Variants in LNPEP observed in about 807,000 individuals in gnomAD.
LNPEP encodes leucyl and cystinyl aminopeptidase.
Under a neutral mutation model 120.6 loss-of-function variants are expected in LNPEP, and 64 were observed. The ratio of observed to expected loss-of-function variants is 0.53; its 90% CI spans 0.43 to 0.65. LNPEP has a LOEUF of 0.65. Among genes scored for constraint, LNPEP ranks in the 30% least tolerant of loss-of-function variants. The pLI is 0.00. For missense variants in LNPEP, 1,057 were observed against 1,200.0 expected, an observed-to-expected ratio of 0.88 and a Z score of 1.76; for synonymous variants, 435 against 425.4, an observed-to-expected ratio of 1.02 and a Z score of -0.28.
chr5:96,998,090 C>G lies in LNPEP; in HGVS notation c.1598C>G (p.Ser533Cys). The change falls in exon 8 of 18, where the codon TCT becomes TGT. Residue 533 changes from serine to cysteine, a missense_variant. Transcript: ENST00000231368. The part of the protein sequence containing the change: ...SLNSSHPISS[S>C]VQSSEQIEEM... ...AATTCATCTCATCCAATATCATCAT[C>G]TGTTCAGTCTTCAGAACAAATTGAA... The G allele has an allele frequency of 6.3e-7, 1 of 1,586,374 alleles. No individual in the cohort carries two copies.
chr5:96,977,878 G>A (rs1453912954), intron 1 of LNPEP, among the ~76,000 whole-genome samples: 2 of 152,168 alleles, frequency 1.3e-5, no homozygotes, highest in African/African-American at 4.8e-5. Context: ...AGTTTGAGTA[G>A]AGGGATGCAA....
chr5:97,036,790 T>C lies in LNPEP; in HGVS notation c.*8257T>C, dbSNP rs1449098814. 3 of 152,194 alleles carry C rather than the reference T, an allele frequency of 2.0e-5. No homozygotes were observed. Among genetic ancestry groups the C allele is most frequent in the Non-Finnish European group, 4.4e-5 (3 of 68,012 alleles). 9.4% of individuals were successfully genotyped at this position (152,194 alleles called of 1,614,324 possible). ...ATTCTAGTGTTGAAAAAGTAGCCTA[T>C]ACTTTGCTATTACTTATACCTGCTG... On this transcript the variant is annotated 3_prime_UTR_variant, in exon 18 of 18. Transcript: ENST00000231368.
At chr5:97,016,647 G>A (rs188860382) in intron 13 of LNPEP, among the ~76,000 whole-genome samples, 15 of 152,156 alleles carry the variant, frequency 9.9e-5, no homozygotes, top group Admixed American at 9.8e-4. Context: ...CTTTTGAAAA[G>A]CTTGCAGACC....
intron 1 of LNPEP, 149 bp from the exon 2 acceptor site, chr5:96,978,989 T>C (rs1362327091): frequency 3.8e-6 from 3 of 790,114 alleles, no homozygotes; most frequent in Non-Finnish European, 3.8e-6. Flanking sequence ...AACATCTTAT[T>C]TAATTCAGTA....
At chr5:96,939,323 C>T (rs1226335967) in intron 1 of LNPEP, among the ~76,000 whole-genome samples, 1 of 151,566 alleles carries the variant, frequency 6.6e-6, no homozygotes, top group South Asian at 2.1e-4. Context: ...AAGTGATCCT[C>T]CTGCCTCAGC....
intron 4 of LNPEP, among the ~76,000 whole-genome samples, chr5:96,992,631 A>G (rs1451698753): frequency 3.3e-5 from 5 of 152,174 alleles, no homozygotes; most frequent in African/African-American, 9.7e-5. Flanking sequence ...ATAACTCTCA[A>G]TCTTTTTACC....
chr5:96,959,508 G>A (rs1789548244), intron 1 of LNPEP, among the ~76,000 whole-genome samples: 1 of 152,158 alleles, frequency 6.6e-6, no homozygotes. Flanking sequence ...TCCTTGGTCA[G>A]TTTACCTAAA....
chr5:96,990,768 A>G (rs1790370747), intron 4 of LNPEP, among the ~76,000 whole-genome samples: 1 of 152,112 alleles, frequency 6.6e-6, no homozygotes, highest in African/African-American at 2.4e-5. Flanking sequence ...TTTTTTGTTC[A>G]TTTACTTAAA....
At chr5:97,011,103 A>T in intron 11 of LNPEP, 3 of 985,374 alleles carry the variant, frequency 3.0e-6, no homozygotes, top group Non-Finnish European at 3.6e-6. Context: ...TTCCGTATGT[A>T]TTTCAATGTT....
At chr5:96,960,581 G>A (rs1396788187) in intron 1 of LNPEP, among the ~76,000 whole-genome samples, 2 of 152,174 alleles carry the variant, frequency 1.3e-5, no homozygotes, top group South Asian at 2.1e-4. Flanking sequence ...CAAGTATAGT[G>A]TAGTCAGTGA....
chr5:97,023,051 A>G (rs1791250910), intron 14 of LNPEP, among the ~76,000 whole-genome samples: 1 of 151,972 alleles, frequency 6.6e-6, no homozygotes, highest in African/African-American at 2.4e-5. Context: ...CTCTGTACCC[A>G]TTGAATAATT....
At chr5:97,024,914 CCTA>C (rs1411695602) in intron 15 of LNPEP, among the ~76,000 whole-genome samples, 1 of 152,168 alleles carries the variant, frequency 6.6e-6, no homozygotes, top group Non-Finnish European at 1.5e-5. Context: ...ACAGCCCCCT[CCTA>C]CTCCTTGCTC....
chr5:96,949,393 G>T (rs1214610372), intron 1 of LNPEP, among the ~76,000 whole-genome samples: 1 of 152,208 alleles, frequency 6.6e-6, no homozygotes, highest in Non-Finnish European at 1.5e-5. Flanking sequence ...AGGGATCTAG[G>T]TTGCATGCTT....
At position 97,033,650 on chromosome 5, in the gene LNPEP, G is replaced by C. The variant is rs1271922208; in HGVS notation, c.*5117G>C. The C allele has an allele frequency of 6.6e-6, 1 of 152,212 alleles. No individual in the cohort carries two copies. Among genetic ancestry groups the C allele is most frequent in the African/African-American group, 2.4e-5 (1 of 41,458 alleles). The allele number at this position is 152,212 out of a possible 1,614,324, so 9.4% of individuals were successfully genotyped here. A position where few individuals can be genotyped will look rare whatever the true frequency, so the allele number is the denominator to read the frequency against. The stretch of plus-strand genomic sequence containing the variant: ...TATGAAGAAAATTGAGGTTCAGCCT[G>C]TAGCAGCTCTCCTCTTCTGCCCTTC... On this transcript the variant is annotated 3_prime_UTR_variant, in exon 18 of 18. Transcript: ENST00000231368.
intron 1 of LNPEP, chr5:96,942,842 G>A (rs1262253697): frequency 6.6e-6 from 1 of 152,632 alleles, no homozygotes; most frequent in Non-Finnish European, 1.5e-5. Context: ...CCTGCACGTT[G>A]TGCACATGTA....
chr5:96,954,614 CTCTCTA>C lies in LNPEP; in HGVS notation c.19+18442_19+18447del, dbSNP rs1297726870. Among the ~76,000 whole-genome samples the C allele has an allele frequency of 7.6e-4, 77 of 100,864 alleles. 16 individuals are homozygous for C. Among genetic ancestry groups the C allele is most frequent in the Non-Finnish European group, 1.3e-3 (57 of 44,332 alleles). The allele number at this position is 100,864 out of a possible 152,430, so 66.2% of individuals were successfully genotyped here. ...TTCTTGCAAGTCTCTCTCTCTCTCT[CTCTCTA>C]TATATATATATACATATATACATAT... On this transcript the variant is annotated intron_variant, in intron 1 of 17. Coordinates refer to ENST00000231368, the MANE Select transcript of LNPEP (RefSeq NM_005575.3).
chr5:96,989,359 T>A (rs11953713), intron 4 of LNPEP, among the ~76,000 whole-genome samples: 7 of 21,756 alleles, frequency 3.2e-4, no homozygotes, highest in East Asian at 1.3e-3. Flanking sequence ...TATTATATAT[T>A]ATATATAATT....
rs1188475892 is a variant in LNPEP at position 96,993,203 on chromosome 5, T to A, written c.1252+68T>A. ...CCTAGATTTATTTTGTGAATTTTTT[T>A]AGAAAGAGGTTCTGCCCAAGTTGTT... On this transcript the variant is annotated intron_variant, in intron 5 of 17. Coordinates refer to ENST00000231368, the MANE Select transcript of LNPEP (RefSeq NM_005575.3). 3.3e-6 allele frequency: 4 copies of A among 1,197,246 alleles called. No homozygotes were observed. In the African/African-American group the frequency reaches 4.6e-5, roughly 14 times the overall value. The allele number at this position is 1,197,246 out of a possible 1,614,324, so 74.2% of individuals were successfully genotyped here. A position where few individuals can be genotyped will look rare whatever the true frequency, so the allele number is the denominator to read the frequency against.
chr5:96,950,624 A>G (rs1789298096), intron 1 of LNPEP, among the ~76,000 whole-genome samples: 1 of 152,230 alleles, frequency 6.6e-6, no homozygotes, highest in Non-Finnish European at 1.5e-5. Flanking sequence ...TAGTTGCAGT[A>G]TGAGCTGAGG....
Sources: gnomAD v4.1 joint callset for allele counts (sites outside exome capture counted in the v4.1 genomes callset) on GRCh38, gnomAD v4.1.1 for gene constraint, MANE v1.5 for transcripts, NCBI Gene and HGNC (gene_info 2026-07-23, HGNC 2026-07-21) for gene names.